The following ASCL5 variants were observed in gnomAD, a reference collection of about 807,000 sequenced individuals.
ASCL5 encodes the protein achaete-scute family bHLH transcription factor 5, also known as achaete-scute homolog 5.
For synonymous variants in ASCL5, 124 were observed against 131.5 expected (o/e 0.94, Z 0.39); for missense variants, 262 against 268.9 (o/e 0.97, Z 0.18).
Position 201,115,425 on chromosome 1 carries a change from T to C in ASCL5, c.-53A>G. The C allele has an allele frequency of 8.1e-7, 1 of 1,228,958 alleles. No individual in the cohort carries two copies. Among genetic ancestry groups the C allele is most frequent in the Non-Finnish European group, 1.0e-6 (1 of 985,556 alleles). The allele number at this position is 1,228,958 out of a possible 1,614,324, so 76.1% of individuals were successfully genotyped here. ...GAGGCCTCCACCGAATGGCCCCGGCTTGGGGTCTGCACCGTCTCCACCAGT... is the reference window on the plus strand; with the variant it reads ...GAGGCCTCCACCGAATGGCCCCGGCCTGGGGTCTGCACCGTCTCCACCAGT... On this transcript the variant is annotated 5_prime_UTR_variant, in exon 2 of 2. Coordinates refer to ENST00000449188, the MANE Select transcript of ASCL5 (RefSeq NM_001270601.2).
intron 1 of ASCL5, among the ~76,000 whole-genome samples, chr1:201,118,205 C>T (rs1055212465): frequency 1.3e-5 from 2 of 152,136 alleles, no homozygotes; most frequent in Admixed American, 6.5e-5. Context: ...ATAAGCCAGG[C>T]GAGGTGGCTC....
rs1047722176 is a variant in ASCL5 at position 201,115,042 on chromosome 1, G to T, written c.331C>A (p.Pro111Thr). The change falls in exon 2 of 2, where the codon CCC becomes ACC. Residue 111 changes from proline to threonine, a missense_variant. By Grantham distance (38) the Pro-to-Thr change is conservative (BLOSUM62 -1). Coordinates refer to ENST00000449188, the MANE Select transcript of ASCL5 (RefSeq NM_001270601.2). ...AGTCGCTTCTCAGCCAGGGCGCCGGGGAGGTGGCCGCGGAGGCGAGCGTAG... is the reference window on the plus strand; with the variant it reads ...AGTCGCTTCTCAGCCAGGGCGCCGGTGAGGTGGCCGCGGAGGCGAGCGTAG... ...EGYARLRGHL[P>T]GALAEKRLSK... 7.3e-6 allele frequency: 9 copies of T among 1,231,982 alleles called. No individual in the cohort carries two copies. The Admixed American group carries it at 3.4e-4, about 46-fold the overall frequency. 76.3% of individuals were successfully genotyped at this position (1,231,982 alleles called of 1,614,324 possible).
At chr1:201,120,720 C>G (rs969023471) in intron 1 of ASCL5, among the ~76,000 whole-genome samples, 1 of 152,218 alleles carries the variant, frequency 6.6e-6, no homozygotes, top group Non-Finnish European at 1.5e-5. Flanking sequence ...GGACTGGAAC[C>G]AGAGTTGGGG....
chr1:201,122,183 C>T (rs1177230013), intron 1 of ASCL5, among the ~76,000 whole-genome samples: 1 of 152,198 alleles, frequency 6.6e-6, no homozygotes, highest in African/African-American at 2.4e-5. Flanking sequence ...AAGTACTATC[C>T]ATGGGCCCCA....
At chr1:201,117,464 G>A (rs558708529) in intron 1 of ASCL5, among the ~76,000 whole-genome samples, 2 of 152,052 alleles carry the variant, frequency 1.3e-5, no homozygotes, top group Admixed American at 6.6e-5. Context: ...AAATGTCTGA[G>A]AATTCAGGAC....
chr1:201,114,875 G>T lies in ASCL5; in HGVS notation c.498C>A (p.Thr166=). ...CGTCGCCAGGGCGGTCGGGACGGGG[G>T]GTGGCGGGCGGCGCGGGGCAGGGCC... ...GTGPCPAPPA[T]PRPDRPGDGE... The change falls in exon 2 of 2, where the codon ACC becomes ACA. Residue 166 remains threonine (T), a synonymous_variant. Transcript: ENST00000449188. 1.6e-6 allele frequency: 2 copies of T among 1,228,466 alleles called. No homozygotes were observed. Among genetic ancestry groups the T allele is most frequent in the Non-Finnish European group, 2.0e-6 (2 of 985,838 alleles). 76.1% of individuals were successfully genotyped at this position (1,228,466 alleles called of 1,614,324 possible).
At chr1:201,121,828 C>CAA (rs58564176) in intron 1 of ASCL5, among the ~76,000 whole-genome samples, 9 of 142,428 alleles carry the variant, frequency 6.3e-5, no homozygotes, top group African/African-American at 2.3e-4. Flanking sequence ...GACCCTGTCT[C>CAA]AAAAAAAAAA....
chr1:201,115,039 C>T lies in ASCL5; in HGVS notation c.334G>A (p.Gly112Ser). 8.1e-7 allele frequency: 1 copy of T among 1,232,086 alleles called. No homozygotes were observed. Among genetic ancestry groups the T allele is most frequent in the Non-Finnish European group, 1.0e-6 (1 of 988,286 alleles). The allele number at this position is 1,232,086 out of a possible 1,614,324, so 76.3% of individuals were successfully genotyped here. A position where few individuals can be genotyped will look rare whatever the true frequency, so the allele number is the denominator to read the frequency against. ...CTGAGTCGCTTCTCAGCCAGGGCGCCGGGGAGGTGGCCGCGGAGGCGAGCG... is the reference window on the plus strand; with the variant it reads ...CTGAGTCGCTTCTCAGCCAGGGCGCTGGGGAGGTGGCCGCGGAGGCGAGCG... ...GYARLRGHLP[G>S]ALAEKRLSKV... Residue 112 changes from glycine (G) to serine (S), a missense_variant, in exon 2 of 2, where the codon GGC becomes AGC. Coordinates refer to ENST00000449188, the MANE Select transcript of ASCL5 (RefSeq NM_001270601.2).
At chr1:201,117,505 C>T (rs1469326439) in intron 1 of ASCL5, among the ~76,000 whole-genome samples, 2 of 152,126 alleles carry the variant, frequency 1.3e-5, no homozygotes, top group Non-Finnish European at 2.9e-5. Flanking sequence ...TTCTCAGTGG[C>T]CTTCAAAGCC....
chr1:201,115,355 G>A lies in ASCL5; in HGVS notation c.18C>T (p.Cys6=), dbSNP rs1663318285. 2 of 1,231,380 alleles carry A rather than the reference G, an allele frequency of 1.6e-6. No homozygotes were observed. Among genetic ancestry groups the A allele is most frequent in the Admixed American group, 4.2e-5 (1 of 23,702 alleles). 76.3% of individuals were successfully genotyped at this position (1,231,380 alleles called of 1,614,324 possible). A position where few individuals can be genotyped will look rare whatever the true frequency, so the allele number is the denominator to read the frequency against. Residue 6 remains cysteine (C), a synonymous_variant, in exon 2 of 2, where the codon TGC becomes TGT. Transcript: ENST00000449188. ...GAGGCCTCCGGTCCACCAGAGCCCGGCAGAAGTTATTGTTCATGGTGCCGC... is the reference window on the plus strand; with the variant it reads ...GAGGCCTCCGGTCCACCAGAGCCCGACAGAAGTTATTGTTCATGGTGCCGC... MNNNF[C]RALVDRRPLG...
At chr1:201,120,699 T>C (rs1374610108) in intron 1 of ASCL5, among the ~76,000 whole-genome samples, 1 of 152,224 alleles carries the variant, frequency 6.6e-6, no homozygotes, top group Non-Finnish European at 1.5e-5. Flanking sequence ...CTTTCCTCAT[T>C]GTCTTTAGCA....
At chr1:201,118,837 T>A (rs1324413144) in intron 1 of ASCL5, among the ~76,000 whole-genome samples, 1 of 152,130 alleles carries the variant, frequency 6.6e-6, no homozygotes, top group Admixed American at 6.5e-5. Flanking sequence ...CCTTGAGAGG[T>A]AGGTGCTAAT....
chr1:201,125,180 T>C (rs1663556080), intron 1 of ASCL5, among the ~76,000 whole-genome samples: 1 of 152,194 alleles, frequency 6.6e-6, no homozygotes, highest in African/African-American at 2.4e-5. Flanking sequence ...ACTCACTTCC[T>C]AAGGTTACTG....
chr1:201,120,166 C>T (rs533198419), intron 1 of ASCL5, among the ~76,000 whole-genome samples: 2 of 152,242 alleles, frequency 1.3e-5, no homozygotes, highest in South Asian at 4.2e-4. Flanking sequence ...ACTTTCTAAT[C>T]CTCAAATCTG....
At chr1:201,119,870 G>C (rs113856724) in intron 1 of ASCL5, among the ~76,000 whole-genome samples, 4 of 152,268 alleles carry the variant, frequency 2.6e-5, no homozygotes, top group African/African-American at 9.6e-5. Context: ...CAGACTATTA[G>C]TTGCAGGCAA....
At chr1:201,117,195 G>C (rs1172436531) in intron 1 of ASCL5, among the ~76,000 whole-genome samples, 1 of 152,192 alleles carries the variant, frequency 6.6e-6, no homozygotes, top group African/African-American at 2.4e-5. Flanking sequence ...CAGCACTTTG[G>C]GAGGCTGAGG....
chr1:201,121,909 T>G (rs1481475441), intron 1 of ASCL5, among the ~76,000 whole-genome samples: 1 of 151,848 alleles, frequency 6.6e-6, no homozygotes, highest in Non-Finnish European at 1.5e-5. Flanking sequence ...TCACATAACC[T>G]GTACATATTT....
At chr1:201,119,309 C>T (rs544449350) in intron 1 of ASCL5, among the ~76,000 whole-genome samples, 2 of 152,272 alleles carry the variant, frequency 1.3e-5, no homozygotes, top group South Asian at 4.1e-4. Flanking sequence ...CTTGCCTGAG[C>T]TTAGAAAACC....
In ASCL5 at chr1:201,115,223, G is replaced by T. The variant is rs1663313881; in HGVS notation, c.150C>A (p.Gly50=). Reference sequence around the variant, plus strand: ...CGTCGTAGTAGGGCGGCTCTGCTGGGCCCGGGTACAGCAGGAAGGGCACGT... The same window carrying T: ...CGTCGTAGTAGGGCGGCTCTGCTGGTCCCGGGTACAGCAGGAAGGGCACGT... ...LGNVPFLLYP[G]PAEPPYYDAY... The change falls in exon 2 of 2, where the codon GGC becomes GGA. Residue 50 remains glycine, a synonymous_variant. Transcript: ENST00000449188. The T allele has an allele frequency of 1.6e-6, 2 of 1,231,558 alleles. No individual in the cohort carries two copies. Among genetic ancestry groups the T allele is most frequent in the Non-Finnish European group, 1.0e-6 (1 of 987,894 alleles). 76.3% of individuals were successfully genotyped at this position (1,231,558 alleles called of 1,614,324 possible).
Sources: gnomAD v4.1 joint callset for allele counts (sites outside exome capture counted in the v4.1 genomes callset) on GRCh38, gnomAD v4.1.1 for gene constraint, MANE v1.5 for transcripts, NCBI Gene and HGNC (gene_info 2026-07-23, HGNC 2026-07-21) for gene names.